Variants in MEGF11 observed in about 807,000 individuals in gnomAD.
MEGF11 encodes multiple EGF like domains 11, also known as multiple epidermal growth factor-like domains protein 11.
A neutral mutation model predicts 146.6 loss-of-function variants in MEGF11; 126 were observed. That is an observed-to-expected ratio of 0.86 (90% CI 0.74 to 1.00). MEGF11 has a LOEUF of 1.00. Ranked by LOEUF, MEGF11 falls within the 50% of genes least tolerant of loss-of-function variation. MEGF11 has a pLI of 0.00. For missense variants in MEGF11, 1,509 were observed against 1,521.2 expected, an observed-to-expected ratio of 0.99 and a Z score of 0.13; for synonymous variants, 532 against 583.4, an observed-to-expected ratio of 0.91 and a Z score of 1.27.
At chr15:66,039,793 AGG>A (rs2083880137) in intron 5 of MEGF11, among the ~76,000 whole-genome samples, 1 of 131,768 alleles carries the variant, frequency 7.6e-6, no homozygotes, top group Admixed American at 7.7e-5. Flanking sequence ...GAGCCGGGTC[AGG>A]CGGCGGTGGG....
At chr15:65,987,899 T>G (rs1214032504) in intron 5 of MEGF11, among the ~76,000 whole-genome samples, 1 of 151,836 alleles carries the variant, frequency 6.6e-6, no homozygotes, top group African/African-American at 2.4e-5. Flanking sequence ...TTAGTACAGA[T>G]GGGGTTTCAC....
At chr15:65,972,185 C>T (rs1334950150) in intron 7 of MEGF11, among the ~76,000 whole-genome samples, 1 of 152,104 alleles carries the variant, frequency 6.6e-6, no homozygotes, top group Non-Finnish European at 1.5e-5. Flanking sequence ...GGTGGTCTGA[C>T]ATCTAATTAA....
intron 5 of MEGF11, among the ~76,000 whole-genome samples, chr15:66,021,593 G>T (rs1291108255): frequency 6.6e-6 from 1 of 152,228 alleles, no homozygotes; most frequent in Non-Finnish European, 1.5e-5. Context: ...AAGGAAAAAG[G>T]CTGTGTCCCA....
At chr15:66,137,996 C>T (rs2088969658) in intron 1 of MEGF11, among the ~76,000 whole-genome samples, 1 of 152,174 alleles carries the variant, frequency 6.6e-6, no homozygotes, top group African/African-American at 2.4e-5. Flanking sequence ...GAGTTTGAGG[C>T]TACAGTGAGC....
At chr15:66,007,657 G>A (rs775222011) in intron 5 of MEGF11, among the ~76,000 whole-genome samples, 4 of 152,200 alleles carry the variant, frequency 2.6e-5, no homozygotes, top group Non-Finnish European at 5.9e-5. Context: ...AGAAGCTGAG[G>A]AGAAAGGATG....
At chr15:66,249,209 C>T (rs2092337816) in intron 1 of MEGF11, among the ~76,000 whole-genome samples, 1 of 152,244 alleles carries the variant, frequency 6.6e-6, no homozygotes, top group Non-Finnish European at 1.5e-5. Context: ...TCTCTGTTCA[C>T]ACTGGCTGTT....
intron 5 of MEGF11, among the ~76,000 whole-genome samples, chr15:66,041,990 T>C (rs777324694): frequency 6.6e-6 from 1 of 152,102 alleles, no homozygotes; most frequent in Non-Finnish European, 1.5e-5. Context: ...ATCATAAGGG[T>C]TCATGTACAA....
intron 1 of MEGF11, among the ~76,000 whole-genome samples, chr15:66,225,305 A>G (rs966101427): frequency 6.6e-6 from 1 of 152,260 alleles, no homozygotes; most frequent in Admixed American, 6.5e-5. Flanking sequence ...CCTCTTCAGC[A>G]TGCTTGCCCA....
intron 4 of MEGF11, among the ~76,000 whole-genome samples, chr15:66,103,613 AGAG>A (rs1410588078): frequency 2.0e-5 from 3 of 152,128 alleles, no homozygotes; most frequent in African/African-American, 7.2e-5. Context: ...AACATGAGGA[AGAG>A]GAGTAGAATA....
At chr15:66,191,766 G>A (rs1189338262) in intron 1 of MEGF11, among the ~76,000 whole-genome samples, 1 of 152,176 alleles carries the variant, frequency 6.6e-6, no homozygotes, top group Non-Finnish European at 1.5e-5. Flanking sequence ...GGATGCCTGG[G>A]TTATAATCTT....
At chr15:65,947,304 T>A (rs73479399) in intron 10 of MEGF11, among the ~76,000 whole-genome samples, 2,116 of 152,158 alleles carry the variant, frequency 0.014, 45 homozygotes, top group African/African-American at 0.048. Context: ...CACTGAAGCT[T>A]GAGCGCAGGG....
rs554436485 is a variant in MEGF11, at chr15:65,912,225, T to C, written c.2711-25A>G. The C allele has an allele frequency of 8.3e-6, 10 of 1,203,320 alleles. No homozygotes were observed. In the South Asian group the frequency reaches 4.2e-4, roughly 51 times the overall value. 74.5% of individuals were successfully genotyped at this position (1,203,320 alleles called of 1,614,324 possible). On this transcript the variant is annotated intron_variant, in intron 20 of 25. Transcript: ENST00000395614. ...TCTGGGAAGAGAACAAGGTGCCACA[T>C]ACCATCATACCCCTGCCCCTGGCAT...
At chr15:66,111,608 T>G (rs2087412769) in intron 4 of MEGF11, among the ~76,000 whole-genome samples, 1 of 152,128 alleles carries the variant, frequency 6.6e-6, no homozygotes, top group Non-Finnish European at 1.5e-5. Context: ...TCATACCCAC[T>G]CAAGGGCAGA....
At chr15:66,142,788 T>C (rs1438960469) in intron 1 of MEGF11, among the ~76,000 whole-genome samples, 1 of 152,212 alleles carries the variant, frequency 6.6e-6, no homozygotes, top group African/African-American at 2.4e-5. Flanking sequence ...CTCTGGGCTG[T>C]TCTTTGATGA....
chr15:66,047,752 C>A (rs540433115), intron 5 of MEGF11, among the ~76,000 whole-genome samples: 23 of 152,290 alleles, frequency 1.5e-4, no homozygotes, highest in Non-Finnish European at 2.6e-4. Flanking sequence ...GAGTCTGGGC[C>A]GAGCGGCTCT....
At chr15:66,246,750 G>A (rs547350308) in intron 1 of MEGF11, among the ~76,000 whole-genome samples, 3 of 152,268 alleles carry the variant, frequency 2.0e-5, no homozygotes, top group South Asian at 2.1e-4. Context: ...GGTCAAGGCT[G>A]CAGTGAGCTA....
chr15:65,904,498 A>G (rs949653455), intron 24 of MEGF11, among the ~76,000 whole-genome samples: 2 of 152,210 alleles, frequency 1.3e-5, no homozygotes, highest in African/African-American at 4.8e-5. Flanking sequence ...ACTCAGCCTT[A>G]TCGCTGTCTT....
Position 65,931,020 on chromosome 15 carries a change from C to G in MEGF11, c.1288-77G>C, listed in dbSNP as rs946433818. On this transcript the variant is annotated intron_variant, in intron 10 of 25. Transcript: ENST00000395614. Reference sequence around the variant, plus strand: ...GCTGTGGTAGGCAGGATAATGACCCCTGCTGCCCCCAACATGTCCATGTCC... The same window carrying G: ...GCTGTGGTAGGCAGGATAATGACCCGTGCTGCCCCCAACATGTCCATGTCC... 4 of 1,411,650 alleles carry G rather than the reference C, an allele frequency of 2.8e-6. No individual in the cohort carries two copies. The South Asian group carries it at 6.1e-5, about 22-fold the overall frequency. 87.4% of individuals were successfully genotyped at this position (1,411,650 alleles called of 1,614,324 possible).
chr15:66,170,439 A>T (rs1235005158), intron 1 of MEGF11, among the ~76,000 whole-genome samples: 2 of 152,166 alleles, frequency 1.3e-5, no homozygotes, highest in South Asian at 4.2e-4. Flanking sequence ...TCTTACAGGG[A>T]AGTCTACAGG....
Sources: gnomAD v4.1 joint callset for allele counts (sites outside exome capture counted in the v4.1 genomes callset) on GRCh38, gnomAD v4.1.1 for gene constraint, MANE v1.5 for transcripts, NCBI Gene and HGNC (gene_info 2026-07-23, HGNC 2026-07-21) for gene names.